The following TRPM2 variants were observed in gnomAD, a reference collection of about 807,000 sequenced individuals.
TRPM2 encodes the protein transient receptor potential cation channel subfamily M member 2, also known as estrogen-responsive element-associated gene 1 protein.
In TRPM2, 161 loss-of-function variants were observed where a neutral mutation model predicts 174.0. That is an observed-to-expected ratio of 0.93 (90% CI 0.81 to 1.05). The LOEUF is 1.05. Among genes scored for constraint, TRPM2 ranks in the 50% least tolerant of loss-of-function variants. The pLI is 0.00. For missense variants in TRPM2, 2,057 were observed against 2,038.0 expected (o/e 1.01, Z -0.18); for synonymous variants, 954 against 861.3 (o/e 1.11, Z -1.88).
Position 44,364,292 on chromosome 21 carries a change from C to T in TRPM2, c.423+10C>T. 6.2e-7 allele frequency: 1 copy of T among 1,613,468 alleles called. No homozygotes were observed. Among genetic ancestry groups the T allele is most frequent in the East Asian group, 2.2e-5 (1 of 44,882 alleles). On this transcript the variant is annotated intron_variant, in intron 3 of 31. Coordinates refer to ENST00000397928, the MANE Select transcript of TRPM2 (RefSeq NM_003307.4). ...CCAGAAGGTGAAAAAGGTTGGTTTCCATCACTCTCGCTCTGAACTGTAGGT... is the reference window on the plus strand; with the variant it reads ...CCAGAAGGTGAAAAAGGTTGGTTTCTATCACTCTCGCTCTGAACTGTAGGT...
At chr21:44,437,224 C>T (rs1233366334) in intron 29 of TRPM2, 57 bp downstream of exon 29, 8 of 1,459,706 alleles carry the variant, frequency 5.5e-6, no homozygotes, top group Non-Finnish European at 6.5e-6. Context: ...GTCACTCGTC[C>T]ATTCATCCAT....
intron 22 of TRPM2, among the ~76,000 whole-genome samples, chr21:44,421,316 T>TA (rs572004137): frequency 7.4e-4 from 105 of 142,742 alleles, no homozygotes; most frequent in Admixed American, 2.3e-3. Flanking sequence ...AGACTCCACC[T>TA]AAAAAAAAAA....
At chr21:44,372,099 G>T (rs2048557944) in intron 5 of TRPM2, among the ~76,000 whole-genome samples, 1 of 152,160 alleles carries the variant, frequency 6.6e-6, no homozygotes, top group African/African-American at 2.4e-5. Flanking sequence ...TCCAGCCTGG[G>T]TGACAGAGCA....
chr21:44,388,093 T>C (rs1023456977), intron 9 of TRPM2, among the ~76,000 whole-genome samples: 21 of 152,236 alleles, frequency 1.4e-4, no homozygotes, highest in Non-Finnish European at 2.5e-4. Context: ...CTGGAAGAGA[T>C]ATGTGTATAC....
At chr21:44,388,638 A>G (rs1602191777) in intron 9 of TRPM2, among the ~76,000 whole-genome samples, 1 of 122,374 alleles carries the variant, frequency 8.2e-6, no homozygotes, top group South Asian at 2.7e-4. Context: ...AACATGGAGA[A>G]CCCTGTCACT....
In TRPM2 at chr21:44,391,566, C is replaced by T. The variant is rs745605752; in HGVS notation, c.1735C>T (p.Arg579Trp). 4.0e-5 allele frequency: 64 copies of T among 1,594,302 alleles called. No homozygotes were observed. Among genetic ancestry groups the T allele is most frequent in the Non-Finnish European group, 5.2e-5 (61 of 1,175,984 alleles). ...GGACTTCACGCAGCCGCTTTATCCCCGGCCCCGGCACAACGACCGGCTGCG... is the reference window on the plus strand; with the variant it reads ...GGACTTCACGCAGCCGCTTTATCCCTGGCCCCGGCACAACGACCGGCTGCG... Reference protein sequence around the residue: ...LGDFTQPLYPRPRHNDRLRLL... With the variant: ...LGDFTQPLYPWPRHNDRLRLL... Residue 579 changes from arginine to tryptophan, a missense_variant, in exon 11 of 32, where the codon CGG becomes TGG. Arg to Trp is a moderately radical substitution (Grantham distance 101). Coordinates refer to ENST00000397928, the MANE Select transcript of TRPM2 (RefSeq NM_003307.4). This position sits in a 1 kb window ranked among gnomAD's most constrained non-coding sequence, Gnocchi z 5.0.
At chr21:44,408,202 C>T (rs1263847266) in intron 19 of TRPM2, among the ~76,000 whole-genome samples, 1 of 152,126 alleles carries the variant, frequency 6.6e-6, no homozygotes, top group Non-Finnish European at 1.5e-5. Context: ...CCGCCTCGGC[C>T]TCCCAAAGTG....
upstream of TRPM2, among the ~76,000 whole-genome samples, chr21:44,351,553 G>A (rs2122997075): frequency 6.6e-6 from 1 of 152,224 alleles, no homozygotes; most frequent in Non-Finnish European, 1.5e-5. Flanking sequence ...TGTGAACCAG[G>A]GTGGCCCAAG....
At position 44,400,327 on chromosome 21, in the gene TRPM2, C is replaced by T; in HGVS notation, c.2277C>T (p.Cys759=). The T allele has an allele frequency of 6.2e-7, 1 of 1,612,756 alleles. No individual in the cohort carries two copies. Among genetic ancestry groups the T allele is most frequent in the Non-Finnish European group, 8.5e-7 (1 of 1,179,884 alleles). The stretch of plus-strand genomic sequence containing the variant: ...ATGGGCTGTGGCGTGTGACCCTGTG[C>T]ATGCTGGCCTTCCCGCTGCTCCTCA... ...VDNGLWRVTL[C]MLAFPLLLTG... is the part of the protein sequence containing the mutation. Residue 759 remains cysteine, a synonymous_variant, in exon 15 of 32, where the codon TGC becomes TGT. Coordinates refer to ENST00000397928, the MANE Select transcript of TRPM2 (RefSeq NM_003307.4).
chr21:44,379,077 G>A lies in TRPM2; in HGVS notation c.1095G>A (p.Gln365=). 3.1e-6 allele frequency: 5 copies of A among 1,612,996 alleles called. No individual in the cohort carries two copies. The highest frequency in any genetic ancestry group is 3.4e-6 in the Non-Finnish European group (4 of 1,180,036). Residue 365 remains glutamine (Q), a synonymous_variant, in exon 8 of 32, where the codon CAG becomes CAA. Transcript: ENST00000397928. ...GCCGCGTGGCCGACGTCATTGCCCAGGTGGCCAACCTGCCTGTCTCGGACA... is the reference window on the plus strand; with the variant it reads ...GCCGCGTGGCCGACGTCATTGCCCAAGTGGCCAACCTGCCTGTCTCGGACA... ...GSGRVADVIA[Q]VANLPVSDIT... is the part of the protein sequence containing the mutation.
At chr21:44,351,654 G>T (rs184138807), upstream of TRPM2, among the ~76,000 whole-genome samples, 1 of 152,194 alleles carries the variant, frequency 6.6e-6, no homozygotes, top group Non-Finnish European at 1.5e-5. Context: ...TTGGAAGGTC[G>T]TTGCCAGGCC....
chr21:44,418,450 C>A lies in TRPM2; in HGVS notation c.3356C>A (p.Ala1119Glu), dbSNP rs137972023. The change falls in exon 22 of 32, where the codon GCG becomes GAG. Residue 1119 changes from alanine (A) to glutamate (E), a missense_variant. By Grantham distance (107) the Ala-to-Glu change is moderately radical. Coordinates refer to ENST00000397928, the MANE Select transcript of TRPM2 (RefSeq NM_003307.4). ...AACAAGCTGGAGAAGAACGAGGAGG[C>A]GGCCCTGCTATCCTGGGAGATCTAC... ...LKNKLEKNEE[A>E]ALLSWEIYLK... is the part of the protein sequence containing the mutation. 3.1e-6 allele frequency: 5 copies of A among 1,613,970 alleles called. No homozygotes were observed. In the Admixed American group the frequency reaches 6.7e-5, roughly 22 times the overall value.
Position 44,406,689 on chromosome 21 carries a change from G to C in TRPM2, c.2886G>C (p.Arg962=), listed in dbSNP as rs747263232. ...KQAILIHNER[R]VDWLFRGAVY... is the part of the protein sequence containing the mutation. ...CCATCCTCATCCACAACGAGCGCCG[G>C]GTGGACTGGCTGTTCCGAGGGGCCG... The change falls in exon 19 of 32, where the codon CGG becomes CGC. Residue 962 remains arginine (R), a synonymous_variant. Transcript: ENST00000397928. 6.2e-6 allele frequency: 10 copies of C among 1,610,162 alleles called. No homozygotes were observed. The African/African-American group carries it at 1.3e-4, about 21-fold the overall frequency.
rs575805680 is a variant in TRPM2 at position 44,439,569 on chromosome 21, G to A, written c.4269+401G>A. ...CAGCCCCTCCCTCAGACCTCGCCCCGACTCCCAAGCTCTGGAGGGGCCCTT... is the reference window on the plus strand; with the variant it reads ...CAGCCCCTCCCTCAGACCTCGCCCCAACTCCCAAGCTCTGGAGGGGCCCTT... On this transcript the variant is annotated intron_variant, in intron 30 of 31. Coordinates refer to ENST00000397928, the MANE Select transcript of TRPM2 (RefSeq NM_003307.4). The surrounding 1 kb of genome is among the most constrained non-coding windows in gnomAD (Gnocchi z 5.1). Among the ~76,000 whole-genome samples, 9 of 152,182 alleles carry A rather than the reference G, an allele frequency of 5.9e-5. No homozygotes were observed. Among genetic ancestry groups the A allele is most frequent in the Non-Finnish European group, 4.4e-5 (3 of 67,992 alleles).
In TRPM2 at chr21:44,377,765, A is replaced by T; in HGVS notation, c.1006A>T (p.Thr336Ser). The T allele has an allele frequency of 6.2e-7, 1 of 1,614,086 alleles. No individual in the cohort carries two copies. The highest frequency in any genetic ancestry group is 1.3e-5 in the African/African-American group (1 of 75,050). The change falls in exon 7 of 32, where the codon ACG becomes TCG. Residue 336 changes from threonine to serine, a missense_variant. Physicochemically the swap from Thr to Ser is moderately conservative, Grantham distance 58. Coordinates refer to ENST00000397928, the MANE Select transcript of TRPM2 (RefSeq NM_003307.4). ...VCVVLEGGPG[T>S]LHTIDNATTN... ...CGTGGTGCTGGAGGGCGGCCCGGGC[A>T]CGTTGCACGTGAGTATGGCCAGGTG... is the stretch of plus-strand genomic sequence containing the variant.
Position 44,425,589 on chromosome 21 carries a change from C to T in TRPM2, c.3638-81C>T, listed in dbSNP as rs1427651849. The T allele has an allele frequency of 4.3e-6, 6 of 1,403,164 alleles. No homozygotes were observed. In the African/African-American group the frequency reaches 5.8e-5, roughly 14 times the overall value. The allele number at this position is 1,403,164 out of a possible 1,614,324, so 86.9% of individuals were successfully genotyped here. A position where few individuals can be genotyped will look rare whatever the true frequency, so the allele number is the denominator to read the frequency against. On this transcript the variant is annotated intron_variant, in intron 24 of 31. Transcript: ENST00000397928. The stretch of plus-strand genomic sequence containing the variant: ...GAGCCCAGATGTTTTGGCGGAAGGA[C>T]CACAGAGGAAGTCCTTGTCCTGCGG...
chr21:44,391,210 A>G lies in TRPM2; in HGVS notation c.1441-62A>G. The G allele has an allele frequency of 6.4e-7, 1 of 1,553,298 alleles. No homozygotes were observed. Among genetic ancestry groups the G allele is most frequent in the Non-Finnish European group, 8.8e-7 (1 of 1,140,498 alleles). On this transcript the variant is annotated intron_variant, in intron 10 of 31. Transcript: ENST00000397928. The surrounding 1 kb of genome is among the most constrained non-coding windows in gnomAD (Gnocchi z 5.0). ...GCAGCCCCCATCTCCAGGGTCTTTGAGATCAGGATGACATGGGGTGATGAC... is the reference window on the plus strand; with the variant it reads ...GCAGCCCCCATCTCCAGGGTCTTTGGGATCAGGATGACATGGGGTGATGAC...
intron 5 of TRPM2, among the ~76,000 whole-genome samples, chr21:44,371,863 G>T (rs2048550978): frequency 6.6e-6 from 1 of 152,120 alleles, no homozygotes; most frequent in African/African-American, 2.4e-5. Flanking sequence ...CTGGGTGTGG[G>T]GGCTCACACC....
intron 20 of TRPM2, among the ~76,000 whole-genome samples, chr21:44,414,332 A>T (rs2050206732): frequency 6.6e-6 from 1 of 152,142 alleles, no homozygotes; most frequent in African/African-American, 2.4e-5. Context: ...GGTGCTGTGG[A>T]TCCACAAGGG....
Sources: gnomAD v4.1 joint callset for allele counts (sites outside exome capture counted in the v4.1 genomes callset) on GRCh38, gnomAD v4.1.1 for gene constraint, Gnocchi (gnomAD v3.1) non-coding constraint, MANE v1.5 for transcripts, NCBI Gene and HGNC (gene_info 2026-07-23, HGNC 2026-07-21) for gene names.